The following NIPAL1 variants were observed in gnomAD, a reference collection of about 807,000 sequenced individuals.
NIPAL1 encodes magnesium transporter NIPA3.
NIPAL1 carries 35 observed loss-of-function variants against 37.7 expected under a neutral mutation model. That is an observed-to-expected ratio of 0.93 (90% CI 0.71 to 1.23). The LOEUF (loss-of-function observed/expected upper bound fraction) is 1.23, where lower values mean the gene tolerates loss of function less well. Among genes scored for constraint, NIPAL1 ranks in the 50% most tolerant of loss-of-function variants. The probability of loss-of-function intolerance (pLI) is 0.00; values close to 1 mark genes in which losing one functional copy is unlikely to be tolerated. For missense variants in NIPAL1, 412 were observed against 473.9 expected (o/e 0.87, Z 1.21); for synonymous variants, 162 against 183.0 (o/e 0.89, Z 0.93).
At chr4:48,029,952 AG>A (rs1371659481) in intron 2 of NIPAL1, among the ~76,000 whole-genome samples, 167 bp from the exon 3 acceptor site, 4 of 152,192 alleles carry the variant, frequency 2.6e-5, no homozygotes, top group Non-Finnish European at 5.9e-5. Flanking sequence ...GGGGAAAAAA[AG>A]CTTTAGAAGA....
chr4:48,025,422 C>T, intron 2 of NIPAL1, 88 bp downstream of exon 2: 1 of 1,287,212 alleles, frequency 7.8e-7, no homozygotes, highest in Non-Finnish European at 1.1e-6. Flanking sequence ...TATAAACTTG[C>T]TTGTGTAATT....
chr4:48,031,285 G>A (rs1207700505), intron 3 of NIPAL1, among the ~76,000 whole-genome samples: 5 of 152,144 alleles, frequency 3.3e-5, no homozygotes, highest in South Asian at 2.1e-4. Flanking sequence ...GGCTGGTCTC[G>A]AACTCCTGAC....
intron 3 of NIPAL1, among the ~76,000 whole-genome samples, chr4:48,030,865 C>T (rs1053154269): frequency 1.3e-5 from 2 of 152,176 alleles, no homozygotes; most frequent in African/African-American, 4.8e-5. Flanking sequence ...CCTCTGTAGC[C>T]AGGAGTCTTA....
intron 1 of NIPAL1, among the ~76,000 whole-genome samples, chr4:48,018,789 T>C (rs1441836971): frequency 6.6e-6 from 1 of 152,234 alleles, no homozygotes; most frequent in African/African-American, 2.4e-5. Flanking sequence ...GGCACCTTAC[T>C]GTTCAGATGG....
chr4:48,035,412 T>G, intron 5 of NIPAL1, 150 bp from the exon 6 acceptor site: 1 of 716,674 alleles, frequency 1.4e-6, no homozygotes, highest in Non-Finnish European at 2.3e-6. Flanking sequence ...TGTAAAATAT[T>G]GAGAACTATG....
chr4:48,016,923 G>T (rs757829031), intron 1 of NIPAL1, 38 bp downstream of exon 1: 5 of 1,570,458 alleles, frequency 3.2e-6, no homozygotes, highest in Non-Finnish European at 4.3e-6. Context: ...CTGGCAGCTG[G>T]GTGGCGAAGA....
intron 3 of NIPAL1, among the ~76,000 whole-genome samples, chr4:48,031,211 C>T (rs1289740316): frequency 6.6e-6 from 1 of 151,986 alleles, no homozygotes; most frequent in Non-Finnish European, 1.5e-5. Context: ...ATTACAGGCA[C>T]ACACCACCAC....
intron 2 of NIPAL1, among the ~76,000 whole-genome samples, chr4:48,026,538 G>A (rs1715690215): frequency 6.6e-6 from 1 of 152,006 alleles, no homozygotes; most frequent in South Asian, 2.1e-4. Flanking sequence ...GTGGACCCAA[G>A]TATATATAAC....
intron 1 of NIPAL1, among the ~76,000 whole-genome samples, chr4:48,018,291 T>G (rs188835048): frequency 5.8e-4 from 87 of 149,836 alleles, no homozygotes; most frequent in African/African-American, 2.0e-3. Flanking sequence ...GATCTGTAAG[T>G]AAGGAAGGTA....
Position 48,016,786 on chromosome 4 carries a change from A to T in NIPAL1, c.-54A>T. On this transcript the variant is annotated 5_prime_UTR_variant, in exon 1 of 6. Coordinates refer to ENST00000295461, the MANE Select transcript of NIPAL1 (RefSeq NM_207330.3). ...CCCCGCCCGCCGCGGGTGCGTGTGGAGAGGCCCAGGTGAGGAGCAAGCGCC... is the reference window on the plus strand; with the variant it reads ...CCCCGCCCGCCGCGGGTGCGTGTGGTGAGGCCCAGGTGAGGAGCAAGCGCC... 5.3e-6 allele frequency: 8 copies of T among 1,520,610 alleles called. No individual in the cohort carries two copies. The highest frequency in any genetic ancestry group is 2.1e-4 in the Middle Eastern group (1 of 4,800). 94.2% of individuals were successfully genotyped at this position (1,520,610 alleles called of 1,614,324 possible).
intron 1 of NIPAL1, among the ~76,000 whole-genome samples, chr4:48,017,786 G>C (rs1235754926): frequency 2.0e-5 from 3 of 152,048 alleles, no homozygotes; most frequent in Admixed American, 2.0e-4. Context: ...TGATAATGCA[G>C]TAAAGGGGAA....
chr4:48,023,014 G>A (rs1326246475), intron 1 of NIPAL1, among the ~76,000 whole-genome samples: 3 of 152,074 alleles, frequency 2.0e-5, no homozygotes, highest in African/African-American at 4.8e-5. Context: ...AAAATTTGCA[G>A]CAGTTAGGAT....
intron 3 of NIPAL1, 126 bp from the exon 4 acceptor site, chr4:48,032,867 C>T (rs56001502): frequency 0.12 from 68,588 of 593,056 alleles, 4,532 homozygotes; most frequent in East Asian, 0.24. Flanking sequence ...CATGTTACAT[C>T]ATTCTTTTTA....
intron 1 of NIPAL1, among the ~76,000 whole-genome samples, chr4:48,023,116 C>A (rs1715612043): frequency 6.7e-6 from 1 of 148,702 alleles, no homozygotes; most frequent in Non-Finnish European, 1.5e-5. Context: ...CGCTATATTG[C>A]CCAGGCTGGT....
chr4:48,028,987 C>T (rs1308169559), intron 2 of NIPAL1, among the ~76,000 whole-genome samples: 2 of 152,110 alleles, frequency 1.3e-5, no homozygotes, highest in South Asian at 2.1e-4. Context: ...ATTAGTACAA[C>T]CACTACGGAA....
intron 1 of NIPAL1, among the ~76,000 whole-genome samples, chr4:48,023,281 C>T (rs13142905): frequency 0.34 from 51,046 of 151,780 alleles, 8,817 homozygotes; most frequent in South Asian, 0.48. Flanking sequence ...GTCATGAAAA[C>T]CTTGAATTCC....
intron 1 of NIPAL1, among the ~76,000 whole-genome samples, chr4:48,019,356 T>C (rs1008366212): frequency 6.6e-6 from 1 of 152,230 alleles, no homozygotes; most frequent in African/African-American, 2.4e-5. Flanking sequence ...CAAAAGAGTC[T>C]CTAATCCAAA....
rs1240033127 is a variant in NIPAL1, at chr4:48,039,658, A to G, written c.*3486A>G. The G allele has an allele frequency of 6.6e-6, 1 of 152,252 alleles. No individual in the cohort carries two copies. Among genetic ancestry groups the G allele is most frequent in the East Asian group, 1.9e-4 (1 of 5,208 alleles). 9.4% of individuals were successfully genotyped at this position (152,252 alleles called of 1,614,324 possible). A position where few individuals can be genotyped will look rare whatever the true frequency, so the allele number is the denominator to read the frequency against. ...TAAGTTCAGATTGCACAATTTTCAT[A>G]AGACCCTTTGGATTTAGCACATGAA... On this transcript the variant is annotated 3_prime_UTR_variant, in exon 6 of 6. Coordinates refer to ENST00000295461, the MANE Select transcript of NIPAL1 (RefSeq NM_207330.3).
Position 48,016,874 on chromosome 4 carries a change from C to G in NIPAL1, c.35C>G (p.Pro12Arg). The G allele has an allele frequency of 6.3e-7, 1 of 1,595,780 alleles. No homozygotes were observed. Among genetic ancestry groups the G allele is most frequent in the Non-Finnish European group, 8.5e-7 (1 of 1,173,668 alleles). ...CAGGTGAGGCTGCCGCCCGGAGAGC[C>G]CTGCCGAGAAGGTTTGTGTCTGCCC... ...GAQVRLPPGE[P>R]CREGYVLSLV... is the part of the protein sequence containing the mutation. The change falls in exon 1 of 6, where the codon CCC becomes CGC. Residue 12 changes from proline (P) to arginine (R), a missense_variant. Transcript: ENST00000295461.
Sources: allele counts gnomAD v4.1 joint callset (sites outside exome capture counted in the v4.1 genomes callset), GRCh38; gene constraint gnomAD v4.1.1; transcripts MANE v1.5; gene names NCBI Gene and HGNC (gene_info 2026-07-23, HGNC 2026-07-21).